The following COLEC12 variants were observed in gnomAD, a reference collection of about 807,000 sequenced individuals.
COLEC12 encodes the protein collectin subfamily member 12, also known as collectin-12.
COLEC12 carries 33 observed loss-of-function variants against 71.1 expected under a neutral mutation model. That is an observed-to-expected ratio of 0.46 (90% CI 0.35 to 0.62). The LOEUF is 0.62. Ranked by LOEUF, COLEC12 falls within the 20% of genes least tolerant of loss-of-function variation. The pLI is 0.00. For synonymous variants in COLEC12, 350 were observed against 353.0 expected (o/e 0.99, Z 0.10); for missense variants, 765 against 916.1 (o/e 0.84, Z 2.13).
At chr18:414,778 C>T (rs373045399) in intron 2 of COLEC12, among the ~76,000 whole-genome samples, 1 of 152,156 alleles carries the variant, frequency 6.6e-6, no homozygotes, top group South Asian at 2.1e-4. Context: ...CTCTAACCCC[C>T]AAACAGGCTT....
chr18:413,602 C>T (rs1418515705), intron 2 of COLEC12, among the ~76,000 whole-genome samples: 1 of 152,182 alleles, frequency 6.6e-6, no homozygotes, highest in Non-Finnish European at 1.5e-5. Context: ...GGCAGGAGAA[C>T]TGTTTGAGGC....
intron 2 of COLEC12, among the ~76,000 whole-genome samples, chr18:420,730 T>C (rs1029621717): frequency 2.6e-5 from 4 of 152,196 alleles, no homozygotes; most frequent in Non-Finnish European, 4.4e-5. Flanking sequence ...ATTTTTTGTA[T>C]ATTATGATGA....
intron 2 of COLEC12, among the ~76,000 whole-genome samples, chr18:471,076 G>A (rs906407004): frequency 7.2e-5 from 11 of 152,088 alleles, no homozygotes; most frequent in African/African-American, 2.4e-4. Flanking sequence ...TGCACCTTCT[G>A]CAACATGTGA....
intron 2 of COLEC12, among the ~76,000 whole-genome samples, chr18:361,769 A>G (rs1215087057): frequency 6.6e-6 from 1 of 152,214 alleles, no homozygotes; most frequent in Non-Finnish European, 1.5e-5. Context: ...GAAGCACAGA[A>G]GGGCGACAGA....
chr18:468,522 A>C (rs1210618090), intron 2 of COLEC12, among the ~76,000 whole-genome samples: 2 of 152,090 alleles, frequency 1.3e-5, no homozygotes, highest in African/African-American at 4.8e-5. Flanking sequence ...AAGTCTTTAA[A>C]TAGCCAAACA....
At chr18:494,766 A>T (rs1232753056) in intron 1 of COLEC12, among the ~76,000 whole-genome samples, 1 of 152,248 alleles carries the variant, frequency 6.6e-6, no homozygotes, top group Non-Finnish European at 1.5e-5. Context: ...GGCAAAAGAA[A>T]TGTGGCTTCT....
intron 5 of COLEC12, among the ~76,000 whole-genome samples, chr18:345,681 A>C (rs773845965): frequency 1.6e-4 from 25 of 152,210 alleles, no homozygotes; most frequent in Non-Finnish European, 3.4e-4. Flanking sequence ...AGCTTGATTT[A>C]TATTGCATTG....
chr18:412,714 C>T (rs1039870994), intron 2 of COLEC12, among the ~76,000 whole-genome samples: 12 of 152,268 alleles, frequency 7.9e-5, no homozygotes, highest in African/African-American at 2.9e-4. Context: ...AGTTTCCGTA[C>T]TTCACTAGAA....
At chr18:352,807 G>A (rs567802084) in intron 3 of COLEC12, among the ~76,000 whole-genome samples, 94 of 152,268 alleles carry the variant, frequency 6.2e-4, no homozygotes, top group African/African-American at 2.0e-3. Context: ...GAATACAGTC[G>A]CAGAGCCATC....
intron 2 of COLEC12, among the ~76,000 whole-genome samples, chr18:402,931 A>T (rs973706655): frequency 6.6e-6 from 1 of 152,152 alleles, no homozygotes; most frequent in Non-Finnish European, 1.5e-5. Flanking sequence ...CGTGCCCTTC[A>T]AAAGGGGTTT....
chr18:430,290 T>C (rs1419970496), intron 2 of COLEC12, among the ~76,000 whole-genome samples: 1 of 151,572 alleles, frequency 6.6e-6, no homozygotes, highest in Non-Finnish European at 1.5e-5. Context: ...GCTGAGATCA[T>C]GCCACTGTAC....
chr18:383,129 C>T (rs774279522), intron 2 of COLEC12, among the ~76,000 whole-genome samples: 2 of 152,168 alleles, frequency 1.3e-5, no homozygotes, highest in Admixed American at 6.5e-5. Context: ...GAGTCCAGGA[C>T]TGGGAAGTTC....
intron 2 of COLEC12, among the ~76,000 whole-genome samples, chr18:442,002 TACACA>T (rs1233141655): frequency 8.3e-6 from 1 of 120,744 alleles, no homozygotes; most frequent in Non-Finnish European, 1.6e-5. Flanking sequence ...TCTCTCTCTC[TACACA>T]CACACACACA....
intron 2 of COLEC12, among the ~76,000 whole-genome samples, chr18:442,440 G>A (rs549406139): frequency 2.0e-4 from 31 of 152,314 alleles, no homozygotes; most frequent in Admixed American, 3.9e-4. Flanking sequence ...CCATGCTGAT[G>A]CGTAGCACCA....
chr18:382,663 A>G (rs888238311), intron 2 of COLEC12, among the ~76,000 whole-genome samples: 5 of 152,184 alleles, frequency 3.3e-5, no homozygotes, highest in African/African-American at 1.2e-4. Context: ...TTACAGCCAC[A>G]TTATAGGATT....
chr18:466,163 C>T (rs1917081703), intron 2 of COLEC12, among the ~76,000 whole-genome samples: 1 of 152,156 alleles, frequency 6.6e-6, no homozygotes, highest in Non-Finnish European at 1.5e-5. Context: ...TCACTTGAAC[C>T]CGGGAGGTGG....
At chr18:473,903 T>C (rs1917252894) in intron 2 of COLEC12, among the ~76,000 whole-genome samples, 2 of 152,130 alleles carry the variant, frequency 1.3e-5, no homozygotes, top group Non-Finnish European at 2.9e-5. Flanking sequence ...AAACAAATTA[T>C]CCCACCCTTC....
chr18:494,509 G>A (rs1917674498), intron 1 of COLEC12, among the ~76,000 whole-genome samples: 1 of 152,124 alleles, frequency 6.6e-6, no homozygotes, highest in Non-Finnish European at 1.5e-5. Context: ...GGCCCCAGGG[G>A]GTTAAGTGAC....
chr18:428,802 T>C (rs16944439), intron 2 of COLEC12, among the ~76,000 whole-genome samples: 28,367 of 152,244 alleles, frequency 0.19, 2,913 homozygotes, highest in Middle Eastern at 0.24. Flanking sequence ...ATTAATTTAA[T>C]GTTTTTCTCC....
Sources: gnomAD v4.1 joint callset for allele counts (sites outside exome capture counted in the v4.1 genomes callset) on GRCh38, gnomAD v4.1.1 for gene constraint, MANE v1.5 for transcripts, NCBI Gene and HGNC (gene_info 2026-07-23, HGNC 2026-07-21) for gene names.